Variants in PRDM16 observed in about 807,000 individuals in gnomAD.
PRDM16 encodes PR/SET domain 16, also known as histone-lysine N-methyltransferase PRDM16.
In PRDM16, 23 loss-of-function variants were observed where a neutral mutation model predicts 110.6. That is an observed-to-expected ratio of 0.21 (90% CI 0.15 to 0.29). The LOEUF (loss-of-function observed/expected upper bound fraction) is 0.29, where lower values mean the gene tolerates loss of function less well. Ranked by LOEUF, PRDM16 falls within the 10% of genes least tolerant of loss-of-function variation. The pLI is 1.00. For synonymous variants in PRDM16, 799 were observed against 781.8 expected (o/e 1.02, Z -0.37); for missense variants, 1,615 against 1,794.3 (o/e 0.90, Z 1.81).
At position 3,423,943 on chromosome 1, in the gene PRDM16, G is replaced by A. The variant is rs184273777; in HGVS notation, c.2940-1638G>A. 2.6e-5 allele frequency among the ~76,000 whole-genome samples: 4 copies of A among 152,366 alleles called. 1 individual carries two copies. In the East Asian group the frequency reaches 5.8e-4, roughly 22 times the overall value. The stretch of plus-strand genomic sequence containing the variant: ...GTGCCTGTGGGATCAGATGAGCACC[G>A]CTGCGGGCGTTCTGATGACCAAGAG... On this transcript the variant is annotated intron_variant, in intron 12 of 16. Transcript: ENST00000270722.
At chr1:3,164,965 C>T (rs1643934230) in intron 1 of PRDM16, among the ~76,000 whole-genome samples, 1 of 152,246 alleles carries the variant, frequency 6.6e-6, no homozygotes, top group South Asian at 2.1e-4. Flanking sequence ...CCTGCACAGG[C>T]CTCCTGCCAC....
Position 3,411,973 on chromosome 1 carries a change from G to A in PRDM16, c.1776G>A (p.Lys592=). 6.2e-7 allele frequency: 1 copy of A among 1,613,714 alleles called. No homozygotes were observed. The highest frequency in any genetic ancestry group is 8.5e-7 in the Non-Finnish European group (1 of 1,179,988). ...RLEDSCVEKL[K]TRSSDMSDGS... is the part of the protein sequence containing the mutation. ...AGGACTCCTGTGTGGAGAAGCTGAA[G>A]ACCAGGAGCAGCGACATGTCGGACG... Residue 592 remains lysine (K), a synonymous_variant, in exon 9 of 17, where the codon AAG becomes AAA. Transcript: ENST00000270722.
intron 3 of PRDM16, among the ~76,000 whole-genome samples, chr1:3,296,987 G>A (rs1557589182): frequency 6.6e-6 from 1 of 152,192 alleles, no homozygotes; most frequent in Non-Finnish European, 1.5e-5. Context: ...CTATTTCAGG[G>A]TAAAGTGTTG....
intron 1 of PRDM16, among the ~76,000 whole-genome samples, chr1:3,096,098 T>C (rs897573818): frequency 1.3e-5 from 2 of 152,108 alleles, no homozygotes; most frequent in Non-Finnish European, 2.9e-5. Flanking sequence ...TGCCTGTCTA[T>C]TTGGGGTGCA....
At chr1:3,114,191 A>ACACGCACACACGCG (rs1553127265) in intron 1 of PRDM16, among the ~76,000 whole-genome samples, 1 of 131,714 alleles carries the variant, frequency 7.6e-6, no homozygotes, top group African/African-American at 3.0e-5. Context: ...ACACGCACAC[A>ACACGCACACACGCG]CGCACACGCA....
chr1:3,093,251 G>C (rs767778452), intron 1 of PRDM16, among the ~76,000 whole-genome samples: 1 of 152,242 alleles, frequency 6.6e-6, no homozygotes, highest in East Asian at 1.9e-4. Context: ...AGGCTAGCCC[G>C]ATGTCAGAGC....
chr1:3,114,393 C>A (rs1027170596), intron 1 of PRDM16, among the ~76,000 whole-genome samples: 1 of 142,012 alleles, frequency 7.0e-6, no homozygotes, highest in East Asian at 2.1e-4. Context: ...CAGACGCGCA[C>A]GCACGCGCAC....
At chr1:3,273,812 ATGTAAG>A (rs1640518137) in intron 3 of PRDM16, among the ~76,000 whole-genome samples, 1 of 131,670 alleles carries the variant, frequency 7.6e-6, no homozygotes, top group African/African-American at 3.2e-5. Flanking sequence ...CTGCATAGGC[ATGTAAG>A]TGTGTGTGTG....
intron 3 of PRDM16, chr1:3,308,379 C>A (rs1641361682): frequency 6.6e-6 from 1 of 152,410 alleles, no homozygotes; most frequent in East Asian, 1.9e-4. Context: ...GAATCTTGGT[C>A]CCCTGCAAAC....
chr1:3,212,655 G>A (rs1348471449), intron 2 of PRDM16, among the ~76,000 whole-genome samples: 2 of 150,660 alleles, frequency 1.3e-5, no homozygotes, highest in Non-Finnish European at 3.0e-5. Flanking sequence ...CCTCGCTGCG[G>A]TCCTCCCGCT....
chr1:3,212,383 G>A (rs557935904), intron 2 of PRDM16, among the ~76,000 whole-genome samples: 1 of 152,254 alleles, frequency 6.6e-6, no homozygotes, highest in East Asian at 1.9e-4. Flanking sequence ...GGCGGTGGGG[G>A]CAGGGCTGCC....
rs1638625303 is a variant in PRDM16 at position 3,201,448 on chromosome 1, C to T, written c.387+14974C>T. 6.6e-6 allele frequency among the ~76,000 whole-genome samples: 1 copy of T among 152,094 alleles called. No individual in the cohort carries two copies. The highest frequency in any genetic ancestry group is 2.4e-5 in the African/African-American group (1 of 41,428). On this transcript the variant is annotated intron_variant, in intron 2 of 16. Coordinates refer to ENST00000270722, the MANE Select transcript of PRDM16 (RefSeq NM_022114.4). The surrounding 1 kb of genome is among the most constrained non-coding windows in gnomAD (Gnocchi z 4.1). The stretch of plus-strand genomic sequence containing the variant: ...GAGCCAGCCTCACCCTGGCCCCACA[C>T]CAGAGCTCCCACCGCAGGGCCCAGC...
intron 2 of PRDM16, among the ~76,000 whole-genome samples, chr1:3,225,186 G>T (rs2100873342): frequency 6.6e-6 from 1 of 152,292 alleles, no homozygotes; most frequent in South Asian, 2.1e-4. Flanking sequence ...AGGGCATTTT[G>T]GACACAAAAT....
intron 3 of PRDM16, among the ~76,000 whole-genome samples, chr1:3,274,187 T>A (rs1640530870): frequency 6.6e-6 from 1 of 152,188 alleles, no homozygotes; most frequent in South Asian, 2.1e-4. Flanking sequence ...CTATCCTTGC[T>A]TGCCAAAACC....
chr1:3,373,654 C>G (rs1373376011), intron 3 of PRDM16, among the ~76,000 whole-genome samples: 1 of 152,222 alleles, frequency 6.6e-6, no homozygotes, highest in Non-Finnish European at 1.5e-5. Context: ...GACGCGGGAC[C>G]TGGAGCTTCT....
chr1:3,178,816 G>T (rs1644119404), intron 1 of PRDM16, among the ~76,000 whole-genome samples: 1 of 152,146 alleles, frequency 6.6e-6, no homozygotes, highest in African/African-American at 2.4e-5. Flanking sequence ...GGCCTGGGTG[G>T]ACCTGTGAAT....
rs140306594 is a variant in PRDM16 at position 3,176,553 on chromosome 1, T to C, written c.38-9572T>C. Reference sequence around the variant, plus strand: ...ATTCATCCATTCACTCATTAACCCATCCATGCACTCATTCATTTATCCATT... The same window carrying C: ...ATTCATCCATTCACTCATTAACCCACCCATGCACTCATTCATTTATCCATT... On this transcript the variant is annotated intron_variant, in intron 1 of 16. Coordinates refer to ENST00000270722, the MANE Select transcript of PRDM16 (RefSeq NM_022114.4). Among the ~76,000 whole-genome samples, 147 of 151,118 alleles carry C rather than the reference T, an allele frequency of 9.7e-4. 1 individual carries two copies. Among genetic ancestry groups the C allele is most frequent in the African/African-American group, 3.5e-3 (142 of 40,968 alleles).
chr1:3,196,282 C>T (rs1449094720), intron 2 of PRDM16, among the ~76,000 whole-genome samples: 1 of 152,234 alleles, frequency 6.6e-6, no homozygotes, highest in Non-Finnish European at 1.5e-5. Context: ...ATGCTCCTGC[C>T]TGAACATGGC....
At chr1:3,305,071 T>C (rs1340497425) in intron 3 of PRDM16, among the ~76,000 whole-genome samples, 2 of 152,158 alleles carry the variant, frequency 1.3e-5, no homozygotes, top group African/African-American at 4.8e-5. Flanking sequence ...ACATGTGCAG[T>C]GCTCCCAGCC....
Sources: allele counts gnomAD v4.1 joint callset (sites outside exome capture counted in the v4.1 genomes callset), GRCh38; gene constraint gnomAD v4.1.1; non-coding constraint Gnocchi (gnomAD v3.1); transcripts MANE v1.5; gene names NCBI Gene and HGNC (gene_info 2026-07-23, HGNC 2026-07-21).